The following PPARGC1A variants were observed in gnomAD, a reference collection of about 807,000 sequenced individuals.
The protein encoded by PPARGC1A is peroxisome proliferator-activated receptor gamma coactivator 1-alpha.
A neutral mutation model predicts 88.7 loss-of-function variants in PPARGC1A; 25 were observed. The ratio of observed to expected loss-of-function variants is 0.28; its 90% CI spans 0.21 to 0.39. PPARGC1A has a LOEUF of 0.39. Ranked by LOEUF, PPARGC1A falls within the 10% of genes least tolerant of loss-of-function variation. The pLI, the probability that PPARGC1A is intolerant of heterozygous loss-of-function variation, is 1.00. For missense variants in PPARGC1A, 880 were observed against 968.7 expected (o/e 0.91, Z 1.22); for synonymous variants, 363 against 355.6 (o/e 1.02, Z -0.24).
chr4:23,825,087 A>C (rs1233156890), intron 5 of PPARGC1A: 1 of 153,892 alleles, frequency 6.5e-6, no homozygotes, highest in Non-Finnish European at 1.4e-5. Flanking sequence ...ACTAAAGTAA[A>C]ACACCATGTT....
chr4:24,189,373 T>C, the PPARGC1A span, among the ~76,000 whole-genome samples: 1 of 152,126 alleles, frequency 6.6e-6, no homozygotes. Flanking sequence ...AGAATGGTCC[T>C]GAAATAGATA....
the PPARGC1A span, among the ~76,000 whole-genome samples, chr4:24,189,702 G>C: frequency 2.0e-5 from 3 of 152,132 alleles, no homozygotes; most frequent in African/African-American, 7.2e-5. Context: ...CTTGAGAAGA[G>C]AGGCCACCTT....
intron 2 of PPARGC1A, among the ~76,000 whole-genome samples, chr4:23,844,089 G>A (rs1036236284): frequency 1.1e-4 from 16 of 150,732 alleles, no homozygotes; most frequent in African/African-American, 3.6e-4. Flanking sequence ...CTAGGAACTT[G>A]CATTTTAGTT....
the PPARGC1A span, among the ~76,000 whole-genome samples, chr4:24,332,111 T>TA: frequency 3.6e-5 from 2 of 55,384 alleles, no homozygotes; most frequent in Non-Finnish European, 9.1e-5. Flanking sequence ...GAACAGTGGG[T>TA]TTTTTTTTGT....
Position 23,867,965 on chromosome 4 carries a change from G to A in PPARGC1A, c.234+16787C>T, listed in dbSNP as rs570387923. ...AGGGTCAAAACCAGCCAGGAAATAC[G>A]GGCACAGTGCTGGGAACAGCGTGTT... On this transcript the variant is annotated intron_variant, in intron 2 of 12. Coordinates refer to ENST00000264867, the MANE Select transcript of PPARGC1A (RefSeq NM_013261.5). Among the ~76,000 whole-genome samples, 6 of 152,288 alleles carry A rather than the reference G, an allele frequency of 3.9e-5. No individual in the cohort carries two copies. In the East Asian group the frequency reaches 5.8e-4, roughly 15 times the overall value.
the PPARGC1A span, among the ~76,000 whole-genome samples, chr4:24,404,901 C>T: frequency 6.6e-6 from 1 of 152,174 alleles, no homozygotes; most frequent in Non-Finnish European, 1.5e-5. Context: ...CACGGTACTA[C>T]ACAACAAGCC....
At chr4:24,331,804 A>G in the PPARGC1A span, among the ~76,000 whole-genome samples, 27 of 151,640 alleles carry the variant, frequency 1.8e-4, no homozygotes, top group South Asian at 6.3e-4. Context: ...TCTGGGATAC[A>G]TGTGCAGAAC....
At chr4:24,007,842 G>T in the PPARGC1A span, among the ~76,000 whole-genome samples, 2,801 of 152,210 alleles carry the variant, frequency 0.018, 50 homozygotes, top group South Asian at 0.11. Flanking sequence ...CAGGTTAGGA[G>T]GCTAGTGCAG....
the PPARGC1A span, among the ~76,000 whole-genome samples, chr4:24,381,238 G>A: frequency 6.6e-6 from 1 of 152,190 alleles, no homozygotes; most frequent in Non-Finnish European, 1.5e-5. Flanking sequence ...AGGCTTCACA[G>A]TACAAATCCT....
At chr4:24,259,136 T>C in the PPARGC1A span, among the ~76,000 whole-genome samples, 6 of 152,138 alleles carry the variant, frequency 3.9e-5, no homozygotes, top group African/African-American at 1.4e-4. Flanking sequence ...AAGGATGAGT[T>C]TGGGTTCTGT....
chr4:23,824,384 A>G (rs1276142440), intron 6 of PPARGC1A, 31 bp from the exon 7 acceptor site: 1 of 1,610,928 alleles, frequency 6.2e-7, no homozygotes, highest in Non-Finnish European at 8.5e-7. Flanking sequence ...ATAAAAACAA[A>G]CTGAAATGGA....
the PPARGC1A span, among the ~76,000 whole-genome samples, chr4:24,350,388 C>A: frequency 0.79 from 120,463 of 152,034 alleles, 47,776 homozygotes; most frequent in African/African-American, 0.81. Context: ...CTGAAAAAAA[C>A]TTTTTTTTTG....
At chr4:24,286,736 G>A in the PPARGC1A span, among the ~76,000 whole-genome samples, 2 of 152,210 alleles carry the variant, frequency 1.3e-5, no homozygotes, top group Non-Finnish European at 2.9e-5. Flanking sequence ...AACTTTGGCA[G>A]CTTAAAATAG....
chr4:24,097,686 A>G, the PPARGC1A span, among the ~76,000 whole-genome samples: 1 of 152,208 alleles, frequency 6.6e-6, no homozygotes, highest in Non-Finnish European at 1.5e-5. Flanking sequence ...TTTCTGTCCT[A>G]AGAGTGATAA....
chr4:24,271,680 G>A, the PPARGC1A span, among the ~76,000 whole-genome samples: 1 of 152,030 alleles, frequency 6.6e-6, no homozygotes, highest in African/African-American at 2.4e-5. Context: ...AAATCTCAGT[G>A]GGTCCTTTTA....
chr4:24,306,485 T>C, the PPARGC1A span, among the ~76,000 whole-genome samples: 1 of 152,218 alleles, frequency 6.6e-6, no homozygotes, highest in Non-Finnish European at 1.5e-5. Flanking sequence ...ATAGGTTTAC[T>C]CCAAGACCTT....
At chr4:24,207,871 C>T in the PPARGC1A span, among the ~76,000 whole-genome samples, 2 of 152,148 alleles carry the variant, frequency 1.3e-5, no homozygotes, top group African/African-American at 4.8e-5. Flanking sequence ...ACCATGACAA[C>T]AGTCATCACA....
chr4:24,019,412 A>G, the PPARGC1A span, among the ~76,000 whole-genome samples: 399 of 152,322 alleles, frequency 2.6e-3, 2 homozygotes, highest in African/African-American at 9.1e-3. Flanking sequence ...TTGACAAGTA[A>G]TTTGTCTTAG....
chr4:23,816,948 C>T (rs1282761541), intron 7 of PPARGC1A, among the ~76,000 whole-genome samples: 2 of 152,074 alleles, frequency 1.3e-5, no homozygotes, highest in South Asian at 4.1e-4. Context: ...CTCCTTTAGT[C>T]GTGGGTCTCA....
Sources: allele counts gnomAD v4.1 joint callset (sites outside exome capture counted in the v4.1 genomes callset), GRCh38; gene constraint gnomAD v4.1.1; transcripts MANE v1.5; gene names NCBI Gene and HGNC (gene_info 2026-07-23, HGNC 2026-07-21).